The following TENM3 variants were observed in gnomAD, a reference collection of about 807,000 sequenced individuals.
The protein encoded by TENM3 is teneurin transmembrane protein 3, also known as teneurin-3.
A neutral mutation model predicts 255.1 loss-of-function variants in TENM3; 63 were observed. That is an observed-to-expected ratio of 0.25 (90% CI 0.20 to 0.30). TENM3 has a LOEUF of 0.30. Ranked by LOEUF, TENM3 falls within the 10% of genes least tolerant of loss-of-function variation. The pLI, the probability that TENM3 is intolerant of heterozygous loss-of-function variation, is 1.00. For synonymous variants in TENM3, 1,306 were observed against 1,322.3 expected (o/e 0.99, Z 0.27); for missense variants, 2,929 against 3,461.1 (o/e 0.85, Z 3.86).
At chr4:181,950,615 G>C in the TENM3 span, among the ~76,000 whole-genome samples, 1 of 152,184 alleles carries the variant, frequency 6.6e-6, no homozygotes, top group Non-Finnish European at 1.5e-5. Flanking sequence ...AAACACAGTG[G>C]ACACTCAACA....
chr4:182,453,690 C>T (rs534901512), intron 3 of TENM3, among the ~76,000 whole-genome samples: 3 of 152,042 alleles, frequency 2.0e-5, no homozygotes, highest in South Asian at 2.1e-4. Flanking sequence ...GCCTTTTTTT[C>T]CTTAACCTTA....
chr4:181,706,951 T>C, the TENM3 span, among the ~76,000 whole-genome samples: 4 of 152,320 alleles, frequency 2.6e-5, no homozygotes, highest in African/African-American at 7.2e-5. Flanking sequence ...GGTTGCCATC[T>C]CCCTGGTCCT....
At chr4:181,919,723 T>G in the TENM3 span, among the ~76,000 whole-genome samples, 83 of 152,130 alleles carry the variant, frequency 5.5e-4, no homozygotes, top group Non-Finnish European at 1.0e-3. Flanking sequence ...AGAAAAATTT[T>G]TTTTTAATTT....
chr4:181,687,181 C>T, the TENM3 span, among the ~76,000 whole-genome samples: 145 of 152,110 alleles, frequency 9.5e-4, 2 homozygotes, highest in African/African-American at 3.3e-3. Flanking sequence ...AAGAAGAATA[C>T]CAATTTAAAT....
intron 1 of TENM3, among the ~76,000 whole-genome samples, chr4:182,316,589 C>T (rs1202096862): frequency 6.6e-6 from 1 of 152,010 alleles, no homozygotes; most frequent in Non-Finnish European, 1.5e-5. Flanking sequence ...CAAAATGCCC[C>T]CACTCCCACA....
intron 5 of TENM3, among the ~76,000 whole-genome samples, chr4:182,646,671 G>A (rs1752774392): frequency 6.6e-6 from 1 of 152,192 alleles, no homozygotes; most frequent in South Asian, 2.1e-4. Flanking sequence ...GAACCCAGGA[G>A]GTGGAGGCTG....
At chr4:181,987,335 A>C in the TENM3 span, among the ~76,000 whole-genome samples, 1 of 152,146 alleles carries the variant, frequency 6.6e-6, no homozygotes, top group Non-Finnish European at 1.5e-5. Flanking sequence ...TCCGATAAGA[A>C]GAAAACCAAC....
the TENM3 span, among the ~76,000 whole-genome samples, chr4:182,009,594 G>T: frequency 7.9e-5 from 12 of 152,276 alleles, no homozygotes; most frequent in South Asian, 2.5e-3. Flanking sequence ...GGGGAAAAGC[G>T]CAGCCTGGAG....
chr4:181,768,498 G>A, the TENM3 span, among the ~76,000 whole-genome samples: 1 of 152,088 alleles, frequency 6.6e-6, no homozygotes, highest in East Asian at 1.9e-4. Context: ...TAGTTTTAAA[G>A]GCAAAATTGC....
chr4:181,654,262 G>T, the TENM3 span, among the ~76,000 whole-genome samples: 1 of 149,082 alleles, frequency 6.7e-6, no homozygotes, highest in African/African-American at 2.5e-5. Context: ...GTCCAAACTC[G>T]TGGGCCCCAC....
chr4:182,058,238 T>C, the TENM3 span, among the ~76,000 whole-genome samples: 2 of 151,446 alleles, frequency 1.3e-5, no homozygotes, highest in Non-Finnish European at 2.9e-5. Context: ...TATCTCCACA[T>C]AGGGTGAGTT....
At chr4:181,590,713 G>A in the TENM3 span, among the ~76,000 whole-genome samples, 1 of 152,284 alleles carries the variant, frequency 6.6e-6, no homozygotes, top group African/African-American at 2.4e-5. Flanking sequence ...AGATACTTAA[G>A]CAAGGAGTTC....
intron 1 of TENM3, among the ~76,000 whole-genome samples, chr4:182,173,486 A>T (rs1043192964): frequency 6.6e-6 from 1 of 152,194 alleles, no homozygotes; most frequent in African/African-American, 2.4e-5. Flanking sequence ...AAAGCTTTCA[A>T]TTAGGAACCA....
At position 182,665,707 on chromosome 4, in the gene TENM3, AAC is replaced by A. The variant is rs565653169; in HGVS notation, c.1112-7296_1112-7295del. On this transcript the variant is annotated intron_variant, in intron 6 of 27. Coordinates refer to ENST00000511685, the MANE Select transcript of TENM3 (RefSeq NM_001080477.4). ...TCAGGAGATCGAGACCATCCTGGTT[AAC>A]AGGGTGAAACCCCGTCTCTACAAAA... Among the ~76,000 whole-genome samples, 560 of 152,212 alleles carry A rather than the reference AAC, an allele frequency of 3.7e-3. 3 individuals carry two copies. Among genetic ancestry groups the A allele is most frequent in the African/African-American group, 0.013 (532 of 41,526 alleles).
intron 3 of TENM3, among the ~76,000 whole-genome samples, chr4:182,382,710 T>C (rs1767653960): frequency 6.6e-6 from 1 of 152,146 alleles, no homozygotes; most frequent in Admixed American, 6.5e-5. Flanking sequence ...CCAGATCCAC[T>C]CTGCACATTG....
intron 3 of TENM3, among the ~76,000 whole-genome samples, chr4:182,401,389 A>G (rs1460959960): frequency 6.6e-6 from 1 of 152,220 alleles, no homozygotes; most frequent in Admixed American, 6.5e-5. Context: ...CATTACATTT[A>G]GTAAAGAGAG....
At chr4:181,921,134 T>G in the TENM3 span, among the ~76,000 whole-genome samples, 1 of 152,182 alleles carries the variant, frequency 6.6e-6, no homozygotes, top group African/African-American at 2.4e-5. Context: ...TTGGTTACTG[T>G]AGGCTTGTAG....
intron 1 of TENM3, among the ~76,000 whole-genome samples, chr4:182,252,113 G>A (rs963621523): frequency 6.6e-6 from 1 of 151,890 alleles, no homozygotes; most frequent in African/African-American, 2.4e-5. Context: ...AACCCAAGAG[G>A]TGGAGGTTGC....
the TENM3 span, among the ~76,000 whole-genome samples, chr4:181,587,622 T>A: frequency 6.6e-6 from 1 of 152,072 alleles, no homozygotes; most frequent in Non-Finnish European, 1.5e-5. Context: ...ACGGAAGAAA[T>A]AAGGATTCAG....
Sources: allele counts gnomAD v4.1 joint callset (sites outside exome capture counted in the v4.1 genomes callset), GRCh38; gene constraint gnomAD v4.1.1; transcripts MANE v1.5; gene names NCBI Gene and HGNC (gene_info 2026-07-23, HGNC 2026-07-21).